Variants in GATB observed in about 807,000 individuals in gnomAD.
GATB encodes glutamyl-tRNA amidotransferase subunit B.
Under a neutral mutation model 62.3 loss-of-function variants are expected in GATB, and 39 were observed. The ratio of observed to expected loss-of-function variants is 0.63; its 90% CI spans 0.48 to 0.82. The LOEUF is 0.82. Ranked by LOEUF, GATB falls within the 40% of genes least tolerant of loss-of-function variation. The pLI, the probability that GATB is intolerant of heterozygous loss-of-function variation, is 0.00. For synonymous variants in GATB, 276 were observed against 258.9 expected, an observed-to-expected ratio of 1.07 and a Z score of -0.63; for missense variants, 670 against 684.0, an observed-to-expected ratio of 0.98 and a Z score of 0.23.
At position 151,693,682 on chromosome 4, in the gene GATB, C is replaced by A. The variant is rs938620792; in HGVS notation, c.1198-4919G>T. Among the ~76,000 whole-genome samples, 4 of 152,222 alleles carry A rather than the reference C, an allele frequency of 2.6e-5. No homozygotes were observed. In the South Asian group the frequency reaches 8.3e-4, roughly 32 times the overall value. ...TGTTTTGGTGCCCACAATTTTTATT[C>A]CTGGGTCATTTCCCCAGCAAGGCTT... On this transcript the variant is annotated intron_variant, in intron 9 of 12. Transcript: ENST00000263985.
At chr4:151,741,520 C>T (rs1480657274) in intron 2 of GATB, among the ~76,000 whole-genome samples, 4 of 152,250 alleles carry the variant, frequency 2.6e-5, no homozygotes, top group Non-Finnish European at 4.4e-5. Context: ...CCAAACAATA[C>T]TGGCAGTTTC....
intron 11 of GATB, among the ~76,000 whole-genome samples, chr4:151,678,888 T>G (rs558417688): frequency 6.6e-6 from 1 of 151,612 alleles, no homozygotes; most frequent in East Asian, 1.9e-4. Context: ...TATGTGTTTT[T>G]TTTGTTTTTG....
At chr4:151,680,444 C>A (rs1489744860) in intron 10 of GATB, among the ~76,000 whole-genome samples, 2 of 152,210 alleles carry the variant, frequency 1.3e-5, no homozygotes, top group Non-Finnish European at 2.9e-5. Context: ...TCCAGGCTCA[C>A]ACAGCTTTCT....
intron 2 of GATB, among the ~76,000 whole-genome samples, chr4:151,725,328 C>G (rs1204912325): frequency 6.6e-6 from 1 of 152,272 alleles, no homozygotes; most frequent in Non-Finnish European, 1.5e-5. Context: ...GAGCAGCCTC[C>G]CTGCCATTCA....
intron 2 of GATB, among the ~76,000 whole-genome samples, chr4:151,749,583 C>T (rs1739671890): frequency 6.6e-6 from 1 of 151,900 alleles, no homozygotes; most frequent in Non-Finnish European, 1.5e-5. Flanking sequence ...CACATGTATA[C>T]ATATGTAACA....
intron 2 of GATB, chr4:151,720,339 T>C (rs2126979948): frequency 6.6e-6 from 1 of 152,308 alleles, no homozygotes; most frequent in South Asian, 2.1e-4. Flanking sequence ...CAGGTTCAAA[T>C]CCCACTTCTG....
intron 5 of GATB, among the ~76,000 whole-genome samples, chr4:151,710,412 G>A (rs1448567322): frequency 1.3e-5 from 2 of 152,106 alleles, no homozygotes; most frequent in Admixed American, 6.5e-5. Flanking sequence ...CTCATCTATC[G>A]TTTCTCTGGT....
intron 12 of GATB, among the ~76,000 whole-genome samples, chr4:151,671,675 C>T (rs1181468708): frequency 6.6e-6 from 1 of 152,126 alleles, no homozygotes; most frequent in Non-Finnish European, 1.5e-5. Flanking sequence ...GTGAGGACAC[C>T]TCTCTGATTC....
At chr4:151,752,753 T>G (rs1739745055) in intron 2 of GATB, among the ~76,000 whole-genome samples, 1 of 152,312 alleles carries the variant, frequency 6.6e-6, no homozygotes, top group East Asian at 1.9e-4. Flanking sequence ...TTTCCTTTAG[T>G]TTTCTTTTTT....
At chr4:151,712,905 C>A (rs1738846699) in intron 5 of GATB, among the ~76,000 whole-genome samples, 1 of 152,326 alleles carries the variant, frequency 6.6e-6, no homozygotes, top group East Asian at 1.9e-4. Flanking sequence ...AGGTACTGGT[C>A]TGTGGCCTGT....
intron 7 of GATB, among the ~76,000 whole-genome samples, chr4:151,704,971 C>G (rs950811425): frequency 6.6e-6 from 1 of 152,006 alleles, no homozygotes; most frequent in Non-Finnish European, 1.5e-5. Context: ...AGGATGGTCT[C>G]GATCTCCCGA....
At chr4:151,702,707 T>C (rs909639846) in intron 8 of GATB, among the ~76,000 whole-genome samples, 2 of 152,198 alleles carry the variant, frequency 1.3e-5, no homozygotes, top group Non-Finnish European at 2.9e-5. Context: ...AGCTGCACCA[T>C]TGCATGTAAT....
In GATB at chr4:151,716,964, C is replaced by T. The variant is rs1738925182; in HGVS notation, c.552G>A (p.Arg184=). 2.5e-6 allele frequency: 4 copies of T among 1,614,170 alleles called. No homozygotes were observed. Among genetic ancestry groups the T allele is most frequent in the Middle Eastern group, 3.3e-4 (2 of 6,062 alleles). The change falls in exon 4 of 13, where the codon AGG becomes AGA. Residue 184 remains arginine, a synonymous_variant. Coordinates refer to ENST00000263985, the MANE Select transcript of GATB (RefSeq NM_004564.3). ...KQSQVIPKTV[R]IKQIQLEQDS... ...CTTGCTCCAACTGGATCTGCTTGAT[C>T]CTCACCGTCTTGGGGATCACCTGAC... is the stretch of plus-strand genomic sequence containing the variant.
rs758506668 is a variant in GATB at position 151,760,965 on chromosome 4, C to G, written c.18G>C (p.Leu6=). ...AACGTCTTCCACGGCAGCCCCAGCGCAGCATGGGCGCCGCCATTGTAACTC... is the reference window on the plus strand; with the variant it reads ...AACGTCTTCCACGGCAGCCCCAGCGGAGCATGGGCGCCGCCATTGTAACTC... MAAPM[L]RWGCRGRRWA... Residue 6 remains leucine, a synonymous_variant, in exon 1 of 13, where the codon CTG becomes CTC. Transcript: ENST00000263985. 6.2e-7 allele frequency: 1 copy of G among 1,611,536 alleles called. No homozygotes were observed. The highest frequency in any genetic ancestry group is 8.5e-7 in the Non-Finnish European group (1 of 1,179,276).
intron 5 of GATB, among the ~76,000 whole-genome samples, chr4:151,714,930 C>T (rs1738885169): frequency 6.6e-6 from 1 of 152,168 alleles, no homozygotes; most frequent in Non-Finnish European, 1.5e-5. Context: ...CTGTGTTTTT[C>T]CAGTCTTTAA....
intron 5 of GATB, among the ~76,000 whole-genome samples, chr4:151,712,457 A>C (rs1484009392): frequency 1.3e-5 from 2 of 152,204 alleles, no homozygotes; most frequent in Non-Finnish European, 2.9e-5. Context: ...AAACTAAAAA[A>C]AACTATACCA....
chr4:151,673,164 T>C (rs1737911327), intron 11 of GATB: 1 of 342,628 alleles, frequency 2.9e-6, no homozygotes, highest in East Asian at 4.7e-5. Flanking sequence ...GGCTGAAGTC[T>C]CCCTCAGCAT....
intron 2 of GATB, among the ~76,000 whole-genome samples, chr4:151,742,440 T>C (rs752092853): frequency 3.9e-5 from 6 of 152,144 alleles, no homozygotes; most frequent in Non-Finnish European, 7.4e-5. Context: ...AGGTTAAAGG[T>C]GCCTTCCCTG....
chr4:151,732,289 G>T (rs1221456725), intron 2 of GATB, among the ~76,000 whole-genome samples: 1 of 152,146 alleles, frequency 6.6e-6, no homozygotes, highest in African/African-American at 2.4e-5. Context: ...AAGGGGGAAA[G>T]GTGGGGAAAA....
Sources: gnomAD v4.1 joint callset for allele counts (sites outside exome capture counted in the v4.1 genomes callset) on GRCh38, gnomAD v4.1.1 for gene constraint, MANE v1.5 for transcripts, NCBI Gene and HGNC (gene_info 2026-07-23, HGNC 2026-07-21) for gene names.